DLC1: variants seen among roughly 807,000 people sequenced by gnomAD.
DLC1 encodes the protein rho GTPase-activating protein 7.
DLC1 carries 54 observed loss-of-function variants against 140.3 expected under a neutral mutation model. The observed-to-expected ratio is 0.38, with a 90% CI of 0.31 to 0.48. DLC1 has a LOEUF of 0.48. Among genes scored for constraint, DLC1 ranks in the 20% least tolerant of loss-of-function variants. The pLI, the probability that DLC1 is intolerant of heterozygous loss-of-function variation, is 0.96. For missense variants in DLC1, 2,536 were observed against 1,907.0 expected (o/e 1.33, Z -6.14); for synonymous variants, 986 against 728.1 (o/e 1.35, Z -5.70).
intron 1 of DLC1, among the ~76,000 whole-genome samples, chr8:13,594,373 G>C (rs542831234): frequency 6.6e-6 from 1 of 151,960 alleles, no homozygotes; most frequent in Admixed American, 6.6e-5. Flanking sequence ...TGTAAATGTT[G>C]TTTCTATGGC....
At chr8:13,350,193 A>G (rs145255829) in intron 4 of DLC1, among the ~76,000 whole-genome samples, 2 of 152,242 alleles carry the variant, frequency 1.3e-5, no homozygotes, top group Non-Finnish European at 2.9e-5. Flanking sequence ...CTTACAAAAT[A>G]TATTTCCTTC....
intron 4 of DLC1, chr8:13,341,571 T>A (rs970411237): frequency 2.6e-4 from 40 of 152,152 alleles, no homozygotes; most frequent in African/African-American, 8.9e-4. Context: ...AATTCCCAGG[T>A]GGCCCAGATG....
At chr8:13,319,628 G>C (rs1195616564) in intron 4 of DLC1, among the ~76,000 whole-genome samples, 1 of 152,034 alleles carries the variant, frequency 6.6e-6, no homozygotes, top group East Asian at 1.9e-4. Context: ...TTTGCCTTCC[G>C]ACATGATTGT....
At chr8:13,424,031 C>A (rs1410757712) in intron 2 of DLC1, among the ~76,000 whole-genome samples, 1 of 152,132 alleles carries the variant, frequency 6.6e-6, no homozygotes, top group African/African-American at 2.4e-5. Flanking sequence ...ATTAAACAAT[C>A]CTAAGAAATG....
chr8:13,395,858 T>G lies in DLC1; in HGVS notation c.1174-2165A>C, dbSNP rs1024101023. 3.3e-5 allele frequency among the ~76,000 whole-genome samples: 5 copies of G among 151,944 alleles called. No individual in the cohort carries two copies. In the East Asian group the frequency reaches 7.7e-4, roughly 24 times the overall value. On this transcript the variant is annotated intron_variant, in intron 3 of 17. Coordinates refer to ENST00000276297, the MANE Select transcript of DLC1 (RefSeq NM_182643.3). Reference sequence around the variant, plus strand: ...ATGTCTTCTTCTTCTTCTTCTTTGTTTTTTTGCATAGAAAAGACAAACTAC... The same window carrying G: ...ATGTCTTCTTCTTCTTCTTCTTTGTGTTTTTGCATAGAAAAGACAAACTAC...
chr8:13,327,345 A>G (rs1833407089), intron 4 of DLC1, among the ~76,000 whole-genome samples: 1 of 152,080 alleles, frequency 6.6e-6, no homozygotes, highest in Admixed American at 6.6e-5. Flanking sequence ...ACCAAGAAAG[A>G]CTATTTCTAG....
intron 5 of DLC1, among the ~76,000 whole-genome samples, chr8:13,149,585 C>G (rs903084495): frequency 6.6e-6 from 1 of 152,204 alleles, no homozygotes; most frequent in Non-Finnish European, 1.5e-5. Flanking sequence ...TCTATCCCGA[C>G]CCATCTGTAC....
At chr8:13,222,382 C>T (rs1828599994) in intron 5 of DLC1, among the ~76,000 whole-genome samples, 1 of 152,128 alleles carries the variant, frequency 6.6e-6, no homozygotes, top group African/African-American at 2.4e-5. Flanking sequence ...TGAGACATTA[C>T]ATTCCATGTC....
At chr8:13,530,081 T>C (rs1273328346) in intron 1 of DLC1, among the ~76,000 whole-genome samples, 1 of 152,170 alleles carries the variant, frequency 6.6e-6, no homozygotes, top group Non-Finnish European at 1.5e-5. Context: ...CAAGAGGGTC[T>C]GTAATGACTT....
chr8:13,099,390 T>C lies in DLC1; in HGVS notation c.2947A>G (p.Arg983Gly), dbSNP rs1585610840. 13 of 1,614,072 alleles carry C rather than the reference T, an allele frequency of 8.1e-6. No individual in the cohort carries two copies. Among genetic ancestry groups the C allele is most frequent in the Non-Finnish European group, 1.0e-5 (12 of 1,180,022 alleles). The change falls in exon 9 of 18, where the codon AGA becomes GGA. Residue 983 changes from arginine to glycine, a missense_variant. Physicochemically the swap from Arg to Gly is moderately radical, Grantham distance 125. Coordinates refer to ENST00000276297, the MANE Select transcript of DLC1 (RefSeq NM_182643.3). The stretch of plus-strand genomic sequence containing the variant: ...GAAGCCCCAACCCCAGAATCCCTTC[T>C]TTCCGGGATCTCGGAGGGCTCTTCC... ...EPEEPSEIPE[R>G]RDSGVGASLT...
intron 16 of DLC1, among the ~76,000 whole-genome samples, chr8:13,086,881 C>T (rs916264790): frequency 2.0e-5 from 3 of 151,462 alleles, no homozygotes; most frequent in Admixed American, 6.6e-5. Context: ...AAATATTAGC[C>T]GGGCATGGTG....
Position 13,544,962 on chromosome 8 carries a change from T to G in DLC1, c.-125-44766A>C, listed in dbSNP as rs1803605859. Among the ~76,000 whole-genome samples the G allele has an allele frequency of 2.0e-5, 3 of 152,120 alleles. No individual in the cohort carries two copies. The South Asian group carries it at 6.2e-4, about 32-fold the overall frequency. ...TCAGGGGGGCACTATTTACATAGACTCCAAGTTTAATAGCACCCCCCCTGG... is the reference window on the plus strand; with the variant it reads ...TCAGGGGGGCACTATTTACATAGACGCCAAGTTTAATAGCACCCCCCCTGG... On this transcript the variant is annotated intron_variant, in intron 1 of 1. Transcript: ENST00000631382.
At chr8:13,101,920 C>T (rs1819127863) in intron 8 of DLC1, among the ~76,000 whole-genome samples, 1 of 152,118 alleles carries the variant, frequency 6.6e-6, no homozygotes, top group African/African-American at 2.4e-5. Context: ...CATGTCTTTT[C>T]CACTGGTGTG....
At chr8:13,587,571 A>G (rs1805369878) in intron 1 of DLC1, among the ~76,000 whole-genome samples, 1 of 132,680 alleles carries the variant, frequency 7.5e-6, no homozygotes, top group Non-Finnish European at 1.7e-5. Context: ...ACACACACAG[A>G]GAGAGAGAAA....
intron 1 of DLC1, among the ~76,000 whole-genome samples, chr8:13,595,354 T>A (rs937150351): frequency 2.0e-5 from 3 of 152,038 alleles, no homozygotes; most frequent in African/African-American, 7.2e-5. Flanking sequence ...CTTACCAACA[T>A]CAGTGAGTGT....
chr8:13,310,197 G>A (rs1164749675), intron 4 of DLC1, among the ~76,000 whole-genome samples: 1 of 152,058 alleles, frequency 6.6e-6, no homozygotes, highest in Non-Finnish European at 1.5e-5. Flanking sequence ...TATCTATTTT[G>A]TGCTTTCTCT....
intron 1 of DLC1, among the ~76,000 whole-genome samples, chr8:13,553,924 C>T (rs1803953773): frequency 2.0e-5 from 3 of 152,118 alleles, no homozygotes; most frequent in Admixed American, 2.0e-4. Flanking sequence ...TCCCTTGCTA[C>T]TCTTTGTCTG....
At chr8:13,422,531 T>G (rs1170444261) in intron 2 of DLC1, among the ~76,000 whole-genome samples, 1 of 152,066 alleles carries the variant, frequency 6.6e-6, no homozygotes, top group Non-Finnish European at 1.5e-5. Flanking sequence ...CCTAGAAAAC[T>G]CTGCACGTTT....
At chr8:13,255,790 T>A (rs1830200048) in intron 5 of DLC1, among the ~76,000 whole-genome samples, 1 of 152,228 alleles carries the variant, frequency 6.6e-6, no homozygotes, top group African/African-American at 2.4e-5. Flanking sequence ...GCAGTTACTA[T>A]CCACGCTCGT....
Sources: allele counts gnomAD v4.1 joint callset (sites outside exome capture counted in the v4.1 genomes callset), GRCh38; gene constraint gnomAD v4.1.1; transcripts MANE v1.5; gene names NCBI Gene and HGNC (gene_info 2026-07-23, HGNC 2026-07-21).